PPP1R12C: variants seen among roughly 807,000 people sequenced by gnomAD.
PPP1R12C encodes leukocyte receptor cluster (LRC) encoded novel gene 3.
A neutral mutation model predicts 95.6 loss-of-function variants in PPP1R12C; 48 were observed. The observed-to-expected ratio is 0.50, with a 90% CI of 0.40 to 0.64. The LOEUF is 0.64. Among genes scored for constraint, PPP1R12C ranks in the 30% least tolerant of loss-of-function variants. The probability of loss-of-function intolerance (pLI) is 0.00; values close to 1 mark genes in which losing one functional copy is unlikely to be tolerated. For synonymous variants in PPP1R12C, 480 were observed against 460.8 expected (o/e 1.04, Z -0.53); for missense variants, 1,057 against 1,083.3 (o/e 0.98, Z 0.34).
chr19:55,112,378 C>T (rs2085105389), intron 3 of PPP1R12C, 89 bp downstream of exon 3: 7 of 1,183,128 alleles, frequency 5.9e-6, no homozygotes, highest in South Asian at 2.9e-5. Flanking sequence ...GGGTCAGCCT[C>T]GGTGCCCAGG....
Position 55,112,561 on chromosome 19 carries a change from G to A in PPP1R12C, c.477C>T (p.Asn159=), listed in dbSNP as rs746378307. The change falls in exon 3 of 22, where the codon AAC becomes AAT. Residue 159 remains asparagine, a synonymous_variant. Transcript: ENST00000263433. ...IARYLLSHGA[N]IAAVNSDGDL... ...CCCCGTCACTGTTGACGGCGGCGAT[G>A]TTGGCCCCGTGGCTCAGGAGGTACC... The A allele has an allele frequency of 1.7e-5, 28 of 1,613,372 alleles. 1 individual carries two copies. The East Asian group carries it at 6.0e-4, about 35-fold the overall frequency.
chr19:55,114,672 C>A (rs567170382), intron 1 of PPP1R12C: 7 of 152,584 alleles, frequency 4.6e-5, no homozygotes, highest in African/African-American at 1.7e-4. Context: ...GGCCACGTAA[C>A]CTGAGAAGGG....
At chr19:55,102,751 T>C (rs551384529) in intron 4 of PPP1R12C, among the ~76,000 whole-genome samples, 1 of 152,326 alleles carries the variant, frequency 6.6e-6, no homozygotes, top group South Asian at 2.1e-4. Context: ...GAGAACACTG[T>C]ACCTGATGAC....
chr19:55,117,161 C>T, intron 1 of PPP1R12C, 62 bp downstream of exon 1: 3 of 1,181,324 alleles, frequency 2.5e-6, no homozygotes, highest in Non-Finnish European at 3.2e-6. Flanking sequence ...AAGGAGGATG[C>T]CCCAGGTGGC....
rs2084911257 is a variant in PPP1R12C at position 55,096,250 on chromosome 19, C to T, written c.1025+12G>A. On this transcript the variant is annotated intron_variant, in intron 7 of 21. Coordinates refer to ENST00000263433, the MANE Select transcript of PPP1R12C (RefSeq NM_017607.4). ...GCCACCCCGCCAGCCCTGGACTCCT[C>T]CCTCCCTATACCTTCTGTGTTTGCT... is the stretch of plus-strand genomic sequence containing the variant. 2.5e-6 allele frequency: 4 copies of T among 1,613,914 alleles called. No individual in the cohort carries two copies. Among genetic ancestry groups the T allele is most frequent in the Non-Finnish European group, 3.4e-6 (4 of 1,179,934 alleles).
At chr19:55,113,520 G>C in intron 1 of PPP1R12C, 1 of 1,393,534 alleles carries the variant, frequency 7.2e-7, no homozygotes, top group Non-Finnish European at 9.3e-7. Flanking sequence ...AACTTGGGGG[G>C]ACAAAAGCCG....
chr19:55,107,757 G>C (rs554065813), intron 3 of PPP1R12C, among the ~76,000 whole-genome samples: 2 of 151,500 alleles, frequency 1.3e-5, no homozygotes, highest in Non-Finnish European at 2.9e-5. Flanking sequence ...ACGAGTTAAT[G>C]GGTGCAGCAC....
Position 55,099,025 on chromosome 19 carries a change from C to A in PPP1R12C, c.802G>T (p.Ala268Ser). ...GDGWTPLHAA[A>S]HWGVEDACRL... is the part of the protein sequence containing the mutation. ...CAGGCATCCTCCACGCCCCAGTGTGCCGCTGCGTGCAGGGGAGTCCAGCCG... is the reference window on the plus strand; with the variant it reads ...CAGGCATCCTCCACGCCCCAGTGTGACGCTGCGTGCAGGGGAGTCCAGCCG... Residue 268 changes from alanine to serine, a missense_variant, in exon 5 of 22, where the codon GCA becomes TCA. Physicochemically the swap from Ala to Ser is moderately conservative, Grantham distance 99. Coordinates refer to ENST00000263433, the MANE Select transcript of PPP1R12C (RefSeq NM_017607.4). The A allele has an allele frequency of 6.4e-7, 1 of 1,554,810 alleles. No homozygotes were observed. The highest frequency in any genetic ancestry group is 8.7e-7 in the Non-Finnish European group (1 of 1,149,470).
intron 4 of PPP1R12C, among the ~76,000 whole-genome samples, chr19:55,103,202 T>G (rs2084997236): frequency 6.6e-6 from 1 of 151,834 alleles, no homozygotes; most frequent in African/African-American, 2.4e-5. Context: ...TCAAAATAAA[T>G]AAATAATAAA....
chr19:55,101,108 C>T (rs2084974725), intron 4 of PPP1R12C, among the ~76,000 whole-genome samples: 1 of 151,966 alleles, frequency 6.6e-6, no homozygotes, highest in South Asian at 2.1e-4. Flanking sequence ...ATTAGCCGGG[C>T]ATGGTGGAGC....
At chr19:55,116,280 A>G (rs2085152587) in intron 1 of PPP1R12C, among the ~76,000 whole-genome samples, 1 of 151,852 alleles carries the variant, frequency 6.6e-6, no homozygotes, top group Admixed American at 6.6e-5. Context: ...CAGCGAGTGA[A>G]GACGGCATGG....
In PPP1R12C at chr19:55,112,376, C is replaced by G. The variant is rs555139461; in HGVS notation, c.571+91G>C. 10 of 1,171,446 alleles carry G rather than the reference C, an allele frequency of 8.5e-6. No homozygotes were observed. In the African/African-American group the frequency reaches 1.2e-4, roughly 14 times the overall value. 72.6% of individuals were successfully genotyped at this position (1,171,446 alleles called of 1,614,324 possible). The stretch of plus-strand genomic sequence containing the variant: ...GACAATCCTAGGAAGCAGGGTCAGC[C>G]TCGGTGCCCAGGCCGCCTCTAAAGC... On this transcript the variant is annotated intron_variant, in intron 3 of 21. Transcript: ENST00000263433.
chr19:55,091,943 G>A (rs759887194), intron 19 of PPP1R12C, 34 bp from the exon 20 acceptor site: 12 of 1,611,412 alleles, frequency 7.4e-6, no homozygotes, highest in Non-Finnish European at 8.5e-6. Context: ...GGGGTCAGCA[G>A]AAGAAGCCAG....
intron 4 of PPP1R12C, 48 bp downstream of exon 4, chr19:55,103,361 C>T: frequency 7.3e-7 from 1 of 1,365,864 alleles, no homozygotes; most frequent in Non-Finnish European, 9.6e-7. Context: ...GGACAAGATC[C>T]ACAGGAAGGT....
At chr19:55,106,267 T>G (rs1453552260) in intron 3 of PPP1R12C, among the ~76,000 whole-genome samples, 1 of 152,220 alleles carries the variant, frequency 6.6e-6, no homozygotes, top group African/African-American at 2.4e-5. Context: ...TGGTGTGGGC[T>G]CCGACCTCTT....
chr19:55,101,077 GTC>G (rs1202251624), intron 4 of PPP1R12C, among the ~76,000 whole-genome samples: 1 of 152,000 alleles, frequency 6.6e-6, no homozygotes, highest in Non-Finnish European at 1.5e-5. Flanking sequence ...GGCAAAACCT[GTC>G]TCTACTACAA....
Position 55,092,429 on chromosome 19 carries a change from G to A in PPP1R12C, c.2055+13C>T, listed in dbSNP as rs756118521. The A allele has an allele frequency of 8.7e-6, 14 of 1,601,112 alleles. No homozygotes were observed. Among genetic ancestry groups the A allele is most frequent in the Admixed American group, 5.2e-5 (3 of 58,200 alleles). On this transcript the variant is annotated intron_variant, in intron 18 of 21. Transcript: ENST00000263433. The stretch of plus-strand genomic sequence containing the variant: ...CCAGCAGGCAAAGCCCCGACGGAGG[G>A]GTGGGATCGCACCGTCCTAAAGCCT...
chr19:55,103,954 A>G (rs1290706039), intron 3 of PPP1R12C, among the ~76,000 whole-genome samples: 5 of 149,168 alleles, frequency 3.4e-5, no homozygotes, highest in Non-Finnish European at 5.9e-5. Context: ...CTTCAAGACC[A>G]GCCTGGCCAA....
At chr19:55,104,179 A>ATTT (rs34744793) in intron 3 of PPP1R12C, among the ~76,000 whole-genome samples, 1 of 104,368 alleles carries the variant, frequency 9.6e-6, no homozygotes, top group African/African-American at 3.8e-5. Context: ...AAAAAAAAAA[A>ATTT]GTATATATAT....
Sources: allele counts gnomAD v4.1 joint callset (sites outside exome capture counted in the v4.1 genomes callset), GRCh38; gene constraint gnomAD v4.1.1; transcripts MANE v1.5; gene names NCBI Gene and HGNC (gene_info 2026-07-23, HGNC 2026-07-21).